WDR77: variants seen among roughly 807,000 people sequenced by gnomAD.
The protein encoded by WDR77 is WD repeat domain 77.
A neutral mutation model predicts 44.0 loss-of-function variants in WDR77; 31 were observed. That is an observed-to-expected ratio of 0.70 (90% CI 0.53 to 0.95). The LOEUF (loss-of-function observed/expected upper bound fraction) is 0.95, where lower values mean the gene tolerates loss of function less well. Among genes scored for constraint, WDR77 ranks in the 40% least tolerant of loss-of-function variants. The pLI is 0.00. For synonymous variants in WDR77, 186 were observed against 165.7 expected (o/e 1.12, Z -0.94); for missense variants, 390 against 423.9 (o/e 0.92, Z 0.70).
chr1:111,441,573 T>A (rs1652817704), intron 9 of WDR77, 184 bp from the exon 10 acceptor site: 1 of 1,298,854 alleles, frequency 7.7e-7, no homozygotes, highest in Non-Finnish European at 9.8e-7. Flanking sequence ...AGTCATCCAA[T>A]CCAGTCTTCT....
In WDR77 at chr1:111,440,284, A is replaced by C. The variant is rs753776121; in HGVS notation, c.*946T>G. 2 of 152,226 alleles carry C rather than the reference A, an allele frequency of 1.3e-5. No individual in the cohort carries two copies. Among genetic ancestry groups the C allele is most frequent in the Non-Finnish European group, 2.9e-5 (2 of 68,040 alleles). 9.4% of individuals were successfully genotyped at this position (152,226 alleles called of 1,614,324 possible). A position where few individuals can be genotyped will look rare whatever the true frequency, so the allele number is the denominator to read the frequency against. ...CAAAAAAGACAGGCCAACAATGCCT[A>C]AACTCTTTATTTCACCAACCAGTAT... On this transcript the variant is annotated 3_prime_UTR_variant, in exon 10 of 10. Transcript: ENST00000235090.
At chr1:111,442,459 T>A (rs767698646) in intron 8 of WDR77, among the ~76,000 whole-genome samples, 194 bp downstream of exon 8, 1 of 152,140 alleles carries the variant, frequency 6.6e-6, no homozygotes, top group African/African-American at 2.4e-5. Context: ...ACAGAAACCA[T>A]CTAATCTGAA....
intron 2 of WDR77, 148 bp downstream of exon 2, chr1:111,448,470 CA>C: frequency 1.2e-6 from 1 of 853,850 alleles, no homozygotes; most frequent in Non-Finnish European, 1.9e-6. Context: ...CCCACCTACA[CA>C]AGAGTTTGCA....
intron 4 of WDR77, among the ~76,000 whole-genome samples, chr1:111,446,375 T>C (rs554218916): frequency 6.6e-6 from 1 of 152,236 alleles, no homozygotes; most frequent in African/African-American, 2.4e-5. Context: ...AAAAAAGTAA[T>C]GGTTCTCACC....
rs1420831608 is a variant in WDR77 at position 111,449,134 on chromosome 1, C to T, written c.36G>A (p.Pro12=). 5.1e-6 allele frequency: 8 copies of T among 1,576,470 alleles called. No individual in the cohort carries two copies. The highest frequency in any genetic ancestry group is 1.4e-5 in the African/African-American group (1 of 72,646). ...RKETPPPLVP[P]AAREWNLPPN... ...GGGGAAGATTCCACTCCCGGGCCGC[C>T]GGGGGCACTAGGGGGGGTGGGGTTT... is the stretch of plus-strand genomic sequence containing the variant. Residue 12 remains proline, a synonymous_variant, in exon 1 of 10, where the codon CCG becomes CCA. Transcript: ENST00000235090.
rs770331095 is a variant in WDR77 at position 111,448,644 on chromosome 1, T to A, written c.276A>T (p.Arg92Ser). 4 of 1,613,966 alleles carry A rather than the reference T, an allele frequency of 2.5e-6. No homozygotes were observed. The Admixed American group carries it at 5.0e-5, about 20-fold the overall frequency. Residue 92 changes from arginine to serine, a missense_variant, in exon 2 of 10, where the codon AGA becomes AGT. Coordinates refer to ENST00000235090, the MANE Select transcript of WDR77 (RefSeq NM_024102.4). Reference protein sequence around the residue: ...GVADLTWVGERGILVASDSGA... With the variant: ...GVADLTWVGESGILVASDSGA... ...CTGAATCGGAGGCCACTAGAATACCTCTCTCCCCAACCCAAGTGAGGTCAG... is the reference window on the plus strand; with the variant it reads ...CTGAATCGGAGGCCACTAGAATACCACTCTCCCCAACCCAAGTGAGGTCAG...
Position 111,443,473 on chromosome 1 carries a change from C to A in WDR77, c.620-79G>T. 4.3e-6 allele frequency: 6 copies of A among 1,406,448 alleles called. No homozygotes were observed. The South Asian group carries it at 7.5e-5, about 18-fold the overall frequency. 87.1% of individuals were successfully genotyped at this position (1,406,448 alleles called of 1,614,324 possible). ...TTTCTCAAATGATATCACTCTAAAT[C>A]CTGGGAGCACCTTTATTTGATTTCC... On this transcript the variant is annotated intron_variant, in intron 6 of 9. Coordinates refer to ENST00000235090, the MANE Select transcript of WDR77 (RefSeq NM_024102.4).
At chr1:111,441,932 C>T (rs549869005) in intron 9 of WDR77, 93 bp downstream of exon 9, 4 of 1,263,232 alleles carry the variant, frequency 3.2e-6, no homozygotes, top group East Asian at 4.7e-5. Context: ...ATCTGTTCTC[C>T]AAAAGCACAA....
chr1:111,448,877 G>GT, intron 1 of WDR77, 73 bp from the exon 2 acceptor site: 4 of 1,547,046 alleles, frequency 2.6e-6, no homozygotes, highest in Non-Finnish European at 3.5e-6. Flanking sequence ...ACAGAACAGC[G>GT]TTCCGGCCGG....
rs1053292642 is a variant in WDR77 at position 111,449,153 on chromosome 1, G to T, written c.17C>A (p.Pro6Gln). 6.3e-7 allele frequency: 1 copy of T among 1,586,672 alleles called. No homozygotes were observed. The highest frequency in any genetic ancestry group is 2.3e-5 in the East Asian group (1 of 44,332). Residue 6 changes from proline (P) to glutamine (Q), a missense_variant, in exon 1 of 10, where the codon CCA (proline) becomes CAA (glutamine). Pro to Gln is a moderately conservative substitution (Grantham distance 76). Coordinates refer to ENST00000235090, the MANE Select transcript of WDR77 (RefSeq NM_024102.4). MRKET[P>Q]PPLVPPAARE... ...GGCCGCCGGGGGCACTAGGGGGGGTGGGGTTTCCTTCCGCATCTCCACGGT... is the reference window on the plus strand; with the variant it reads ...GGCCGCCGGGGGCACTAGGGGGGGTTGGGTTTCCTTCCGCATCTCCACGGT...
At chr1:111,445,767 C>T (rs553609195) in intron 4 of WDR77, among the ~76,000 whole-genome samples, 1 of 152,142 alleles carries the variant, frequency 6.6e-6, no homozygotes, top group East Asian at 1.9e-4. Flanking sequence ...AGACATAGAA[C>T]ATTGACTTTT....
Position 111,440,997 on chromosome 1 carries a change from C to G in WDR77, c.*233G>C. 1 of 341,274 alleles carries G rather than the reference C, an allele frequency of 2.9e-6. No homozygotes were observed. Among genetic ancestry groups the G allele is most frequent in the Non-Finnish European group, 5.2e-6 (1 of 194,118 alleles). 21.1% of individuals were successfully genotyped at this position (341,274 alleles called of 1,614,324 possible). On this transcript the variant is annotated 3_prime_UTR_variant, in exon 10 of 10. Coordinates refer to ENST00000235090, the MANE Select transcript of WDR77 (RefSeq NM_024102.4). ...CCTGCCACTACCAAAAACTATAAATCTACACACACACTCACACGCACATAC... is the reference window on the plus strand; with the variant it reads ...CCTGCCACTACCAAAAACTATAAATGTACACACACACTCACACGCACATAC...
rs770071126 is a variant in WDR77 at position 111,443,367 on chromosome 1, G to A, written c.647C>T (p.Thr216Ile). The A allele has an allele frequency of 6.4e-7, 1 of 1,552,408 alleles. No individual in the cohort carries two copies. Among genetic ancestry groups the A allele is most frequent in the South Asian group, 1.2e-5 (1 of 84,088 alleles). Reference protein sequence around the residue: ...IGCSAPGYLPTSLAWHPQQSE... With the variant: ...IGCSAPGYLPISLAWHPQQSE... ...TTGCTGAGGATGCCAAGCCAGCGAGGTAGGAAGGTAGCCAGGCGCACTGCA... is the reference window on the plus strand; with the variant it reads ...TTGCTGAGGATGCCAAGCCAGCGAGATAGGAAGGTAGCCAGGCGCACTGCA... Residue 216 changes from threonine (T) to isoleucine (I), a missense_variant, in exon 7 of 10, where the codon ACC becomes ATC. Coordinates refer to ENST00000235090, the MANE Select transcript of WDR77 (RefSeq NM_024102.4).
At chr1:111,442,790 G>C (rs750106554) in intron 7 of WDR77, 29 bp from the exon 8 acceptor site, 15 of 1,461,452 alleles carry the variant, frequency 1.0e-5, no homozygotes, top group Non-Finnish European at 1.2e-5. Flanking sequence ...ATGTCATAGT[G>C]ATTAAGAGCA....
At position 111,441,023 on chromosome 1, in the gene WDR77, A is replaced by G; in HGVS notation, c.*207T>C. 2.4e-6 allele frequency: 1 copy of G among 413,780 alleles called. No individual in the cohort carries two copies. The highest frequency in any genetic ancestry group is 2.0e-5 in the African/African-American group (1 of 48,868). 25.6% of individuals were successfully genotyped at this position (413,780 alleles called of 1,614,324 possible). A position where few individuals can be genotyped will look rare whatever the true frequency, so the allele number is the denominator to read the frequency against. ...TACACACACACTCACACGCACATAC[A>G]TGTCCATTTTTAAGAAAGCTTTTCC... On this transcript the variant is annotated 3_prime_UTR_variant, in exon 10 of 10. Transcript: ENST00000235090.
Position 111,447,163 on chromosome 1 carries a change from C to T in WDR77, c.444-19G>A, listed in dbSNP as rs377062460. The T allele has an allele frequency of 5.0e-6, 8 of 1,613,834 alleles. No homozygotes were observed. The highest frequency in any genetic ancestry group is 6.8e-6 in the Non-Finnish European group (8 of 1,179,936). On this transcript the variant is annotated intron_variant, in intron 3 of 9. Transcript: ENST00000235090. ...CTTGATGCTAAGAAGCAAAAGCAAACAGACATTTAATCTTGACCTACACTA... is the reference window on the plus strand; with the variant it reads ...CTTGATGCTAAGAAGCAAAAGCAAATAGACATTTAATCTTGACCTACACTA...
rs576209444 is a variant in WDR77, at chr1:111,449,157, T to A, written c.13A>T (p.Thr5Ser). The change falls in exon 1 of 10, where the codon ACC becomes TCC. Residue 5 changes from threonine (T) to serine (S), a missense_variant. Physicochemically the swap from Thr to Ser is moderately conservative, Grantham distance 58. Coordinates refer to ENST00000235090, the MANE Select transcript of WDR77 (RefSeq NM_024102.4). The stretch of plus-strand genomic sequence containing the variant: ...GCCGGGGGCACTAGGGGGGGTGGGG[T>A]TTCCTTCCGCATCTCCACGGTTCCA... MRKE[T>S]PPPLVPPAAR... is the part of the protein sequence containing the mutation. 6.3e-6 allele frequency: 10 copies of A among 1,582,102 alleles called. No homozygotes were observed. In the African/African-American group the frequency reaches 1.3e-4, roughly 21 times the overall value.
At chr1:111,444,467 T>G (rs1443432054) in intron 4 of WDR77, among the ~76,000 whole-genome samples, 1 of 152,034 alleles carries the variant, frequency 6.6e-6, no homozygotes. Context: ...TACACACACC[T>G]CCAAGTAGTA....
At chr1:111,444,903 G>C (rs1280072952) in intron 4 of WDR77, among the ~76,000 whole-genome samples, 3 of 152,204 alleles carry the variant, frequency 2.0e-5, no homozygotes, top group Non-Finnish European at 4.4e-5. Flanking sequence ...AACAAAGTCA[G>C]ACTTTTTCTG....
Sources: gnomAD v4.1 joint callset for allele counts (sites outside exome capture counted in the v4.1 genomes callset) on GRCh38, gnomAD v4.1.1 for gene constraint, MANE v1.5 for transcripts, NCBI Gene and HGNC (gene_info 2026-07-23, HGNC 2026-07-21) for gene names.